Variants in DYNC1I1 observed in about 807,000 individuals in gnomAD.
DYNC1I1 encodes the protein cytoplasmic dynein 1 intermediate chain 1.
In DYNC1I1, 43 loss-of-function variants were observed where a neutral mutation model predicts 86.6. The observed-to-expected ratio is 0.50, with a 90% confidence interval of 0.39 to 0.64. DYNC1I1 has a LOEUF of 0.64. DYNC1I1 is among the 30% of genes least tolerant of loss of function. The pLI is 0.00. For synonymous variants in DYNC1I1, 262 were observed against 283.7 expected (o/e 0.92, Z 0.77); for missense variants, 604 against 788.8 (o/e 0.77, Z 2.81).
intron 1 of DYNC1I1, among the ~76,000 whole-genome samples, chr7:95,797,744 A>G (rs750860213): frequency 6.6e-6 from 1 of 152,180 alleles, no homozygotes; most frequent in Non-Finnish European, 1.5e-5. Context: ...AATATCCACA[A>G]TTACCTGAAG....
intron 6 of DYNC1I1, among the ~76,000 whole-genome samples, chr7:95,939,356 A>G (rs1792136957): frequency 6.6e-6 from 1 of 152,164 alleles, no homozygotes; most frequent in African/African-American, 2.4e-5. Flanking sequence ...TATCCTTATT[A>G]ACTTTCTGTC....
intron 6 of DYNC1I1, among the ~76,000 whole-genome samples, chr7:95,910,287 T>G (rs1304231940): frequency 6.6e-6 from 1 of 152,218 alleles, no homozygotes; most frequent in Non-Finnish European, 1.5e-5. Flanking sequence ...CATTATTACA[T>G]CACACCTGAA....
At chr7:95,923,873 C>T (rs1047032100) in intron 6 of DYNC1I1, among the ~76,000 whole-genome samples, 2 of 151,990 alleles carry the variant, frequency 1.3e-5, no homozygotes, top group Non-Finnish European at 2.9e-5. Flanking sequence ...AAATTCAGGT[C>T]CTGCATAACA....
chr7:95,783,487 C>A (rs1369997499), intron 1 of DYNC1I1, among the ~76,000 whole-genome samples: 2 of 152,090 alleles, frequency 1.3e-5, no homozygotes, highest in Non-Finnish European at 2.9e-5. Flanking sequence ...AATTTATTAC[C>A]TACAATGTGG....
chr7:95,849,713 T>C (rs1036519043), intron 5 of DYNC1I1, among the ~76,000 whole-genome samples: 2 of 152,192 alleles, frequency 1.3e-5, no homozygotes, highest in Non-Finnish European at 2.9e-5. Context: ...TCTTTTGTGG[T>C]TTCATATGAA....
intron 1 of DYNC1I1, among the ~76,000 whole-genome samples, chr7:95,790,609 T>C (rs747765888): frequency 5.3e-5 from 8 of 152,230 alleles, no homozygotes; most frequent in Non-Finnish European, 8.8e-5. Context: ...ATATTCTTTA[T>C]CATCTGTTGA....
At chr7:95,890,380 G>T (rs1271954472) in intron 6 of DYNC1I1, among the ~76,000 whole-genome samples, 1 of 152,116 alleles carries the variant, frequency 6.6e-6, no homozygotes, top group Admixed American at 6.5e-5. Context: ...TAAATGATGA[G>T]AACACATGGA....
intron 1 of DYNC1I1, among the ~76,000 whole-genome samples, chr7:95,788,539 T>C (rs941279105): frequency 1.3e-5 from 2 of 152,090 alleles, no homozygotes; most frequent in African/African-American, 4.8e-5. Flanking sequence ...TTGAGGTGAC[T>C]CTCCTACCAG....
chr7:95,799,398 T>G (rs190264703), intron 1 of DYNC1I1, among the ~76,000 whole-genome samples: 6 of 151,800 alleles, frequency 4.0e-5, no homozygotes, highest in Non-Finnish European at 8.8e-5. Flanking sequence ...AGAAGAAACT[T>G]AGGACCGTGA....
At chr7:95,885,089 C>A (rs1790558855) in intron 6 of DYNC1I1, among the ~76,000 whole-genome samples, 1 of 152,192 alleles carries the variant, frequency 6.6e-6, no homozygotes, top group African/African-American at 2.4e-5. Context: ...TAACAAATAT[C>A]TTTTCATTTC....
At chr7:95,954,158 G>A (rs977819517) in intron 6 of DYNC1I1, among the ~76,000 whole-genome samples, 1 of 151,792 alleles carries the variant, frequency 6.6e-6, no homozygotes, top group Admixed American at 6.6e-5. Flanking sequence ...CAAAAGCATT[G>A]TCATTCTCAA....
At chr7:95,811,664 T>C (rs1794833293) in intron 3 of DYNC1I1, among the ~76,000 whole-genome samples, 1 of 152,166 alleles carries the variant, frequency 6.6e-6, no homozygotes. Context: ...AACAATGCTA[T>C]AATAAGCCCC....
chr7:95,891,085 C>T (rs1790724853), intron 6 of DYNC1I1, among the ~76,000 whole-genome samples: 1 of 152,010 alleles, frequency 6.6e-6, no homozygotes, highest in South Asian at 2.1e-4. Flanking sequence ...TGACTAGTGT[C>T]CTTATAGGAA....
chr7:95,870,287 C>G (rs1029566888), intron 6 of DYNC1I1, among the ~76,000 whole-genome samples: 1 of 152,156 alleles, frequency 6.6e-6, no homozygotes, highest in Non-Finnish European at 1.5e-5. Flanking sequence ...GTAATAGAAA[C>G]AGTGCTGAAT....
chr7:95,788,063 C>T (rs969755736), intron 1 of DYNC1I1, among the ~76,000 whole-genome samples: 1 of 151,836 alleles, frequency 6.6e-6, no homozygotes, highest in African/African-American at 2.4e-5. Flanking sequence ...TTGTGTAGGG[C>T]CATGGAGGCT....
intron 16 of DYNC1I1, among the ~76,000 whole-genome samples, chr7:96,091,792 A>G (rs1790856256): frequency 6.6e-6 from 1 of 152,224 alleles, no homozygotes; most frequent in East Asian, 1.9e-4. Context: ...CCCTGGTTAT[A>G]AAAAGTCATT....
At chr7:96,007,646 A>G (rs1305792069) in intron 10 of DYNC1I1, among the ~76,000 whole-genome samples, 1 of 152,162 alleles carries the variant, frequency 6.6e-6, no homozygotes, top group Non-Finnish European at 1.5e-5. Flanking sequence ...TTACCTACAT[A>G]ACACAATTTG....
At chr7:95,990,670 T>A (rs1253973966) in intron 9 of DYNC1I1, among the ~76,000 whole-genome samples, 1 of 150,426 alleles carries the variant, frequency 6.6e-6, no homozygotes, top group Non-Finnish European at 1.5e-5. Context: ...TCTTCATTCA[T>A]GAAATGATAA....
intron 14 of DYNC1I1, among the ~76,000 whole-genome samples, chr7:96,066,677 T>G (rs1178420483): frequency 6.6e-6 from 1 of 152,224 alleles, no homozygotes; most frequent in Non-Finnish European, 1.5e-5. Flanking sequence ...ATCCTGGTAA[T>G]AGCTATGTAT....
Sources: gnomAD v4.1 joint callset for allele counts (sites outside exome capture counted in the v4.1 genomes callset) on GRCh38, gnomAD v4.1.1 for gene constraint, MANE v1.5 for transcripts, NCBI Gene and HGNC (gene_info 2026-07-23, HGNC 2026-07-21) for gene names.